ADCY2: variants seen among roughly 807,000 people sequenced by gnomAD.
The protein encoded by ADCY2 is adenylate cyclase 2, also known as adenylate cyclase type 2.
A neutral mutation model predicts 125.2 loss-of-function variants in ADCY2; 31 were observed. The observed-to-expected ratio is 0.25, with a 90% confidence interval of 0.19 to 0.33. The LOEUF (loss-of-function observed/expected upper bound fraction) is 0.33. ADCY2 is among the 10% of genes least tolerant of loss of function. ADCY2 has a pLI of 1.00. For synonymous variants in ADCY2, 512 were observed against 548.4 expected (o/e 0.93, Z 0.93); for missense variants, 904 against 1,418.2 (o/e 0.64, Z 5.82).
At chr5:7,587,808 A>G (rs1235568290) in intron 3 of ADCY2, among the ~76,000 whole-genome samples, 2 of 152,224 alleles carry the variant, frequency 1.3e-5, no homozygotes, top group African/African-American at 4.8e-5. Context: ...ACAGGGTCGT[A>G]GAAGAGGATA....
At chr5:7,589,458 A>AAAAGAAAG (rs369587426) in intron 3 of ADCY2, among the ~76,000 whole-genome samples, 3,828 of 72,916 alleles carry the variant, frequency 0.052, 196 homozygotes, top group African/African-American at 0.071. Flanking sequence ...GAAGGAAAGA[A>AAAAGAAAG]AAAGAAAGAA....
At chr5:7,732,812 G>A (rs1268443660) in intron 14 of ADCY2, among the ~76,000 whole-genome samples, 2 of 152,170 alleles carry the variant, frequency 1.3e-5, no homozygotes, top group Admixed American at 1.3e-4. Flanking sequence ...ACCACTAAAG[G>A]GAGGTGTTTT....
intron 3 of ADCY2, among the ~76,000 whole-genome samples, chr5:7,613,558 C>A (rs564583926): frequency 6.6e-6 from 1 of 152,342 alleles, no homozygotes; most frequent in South Asian, 2.1e-4. Context: ...CCATGACCTC[C>A]CCTGGCACAT....
intron 3 of ADCY2, among the ~76,000 whole-genome samples, chr5:7,597,274 T>C (rs2126631441): frequency 6.6e-6 from 1 of 152,296 alleles, no homozygotes; most frequent in Admixed American, 6.5e-5. Context: ...AAAGCAAACG[T>C]TCTAGCCAGT....
chr5:7,456,882 T>C (rs116641366), intron 2 of ADCY2, among the ~76,000 whole-genome samples: 4,287 of 152,288 alleles, frequency 0.028, 176 homozygotes, highest in African/African-American at 0.098. Flanking sequence ...TTTATAAGAA[T>C]AGGATTTTGT....
At chr5:7,622,534 G>A (rs752180756) in intron 3 of ADCY2, among the ~76,000 whole-genome samples, 3 of 152,208 alleles carry the variant, frequency 2.0e-5, no homozygotes, top group Non-Finnish European at 4.4e-5. Context: ...TCTACAGACA[G>A]GAGGGGTTCA....
intron 3 of ADCY2, among the ~76,000 whole-genome samples, chr5:7,533,939 T>C (rs1734733860): frequency 6.6e-6 from 1 of 152,214 alleles, no homozygotes; most frequent in Non-Finnish European, 1.5e-5. Flanking sequence ...TCATCAGTCC[T>C]AGTGGTTCCC....
intron 3 of ADCY2, among the ~76,000 whole-genome samples, chr5:7,590,109 C>G (rs1298959837): frequency 1.3e-5 from 2 of 152,072 alleles, no homozygotes; most frequent in Non-Finnish European, 2.9e-5. Context: ...TCAAAGCCGA[C>G]AGGAGCTATT....
intron 3 of ADCY2, among the ~76,000 whole-genome samples, chr5:7,581,881 T>G (rs1297667693): frequency 6.7e-6 from 1 of 150,060 alleles, no homozygotes; most frequent in Non-Finnish European, 1.5e-5. Context: ...GTAAAACATG[T>G]AGGATGAACA....
intron 2 of ADCY2, among the ~76,000 whole-genome samples, chr5:7,416,237 G>A (rs7710092): frequency 0.011 from 1,677 of 152,282 alleles, 30 homozygotes; most frequent in African/African-American, 0.038. Context: ...TTGGGCAAAG[G>A]GAGGAGGCTG....
rs1432870253 is a variant in ADCY2 at position 7,520,625 on chromosome 5, TAA to T, written c.409-110_409-109del. 2.5e-6 allele frequency: 3 copies of T among 1,177,950 alleles called. No homozygotes were observed. In the African/African-American group the frequency reaches 4.5e-5, roughly 18 times the overall value. 73.0% of individuals were successfully genotyped at this position (1,177,950 alleles called of 1,614,324 possible). On this transcript the variant is annotated intron_variant, in intron 2 of 24. Coordinates refer to ENST00000338316, the MANE Select transcript of ADCY2 (RefSeq NM_020546.3). ...CCCTATTTTGTCTATAGATTATTTC[TAA>T]AATGAGCATGTCTCATGCTGTTCTA...
At chr5:7,740,652 C>G (rs1456861529) in intron 14 of ADCY2, among the ~76,000 whole-genome samples, 1 of 151,928 alleles carries the variant, frequency 6.6e-6, no homozygotes, top group Non-Finnish European at 1.5e-5. Context: ...TTAGAAATAA[C>G]AAGAACCAAC....
At chr5:7,707,882 G>T in intron 9 of ADCY2, 44 bp downstream of exon 9, 2 of 1,576,860 alleles carry the variant, frequency 1.3e-6, no homozygotes, top group Non-Finnish European at 1.7e-6. Context: ...GGGAGGAGGA[G>T]CAAATTATTG....
intron 15 of ADCY2, among the ~76,000 whole-genome samples, chr5:7,751,211 T>C (rs1195405427): frequency 6.6e-6 from 1 of 152,222 alleles, no homozygotes; most frequent in Non-Finnish European, 1.5e-5. Context: ...TTATTTTTCC[T>C]TAACAACTCA....
At chr5:7,576,086 C>T (rs541160384) in intron 3 of ADCY2, among the ~76,000 whole-genome samples, 10 of 152,302 alleles carry the variant, frequency 6.6e-5, no homozygotes, top group African/African-American at 2.4e-4. Context: ...GACTTCTCTA[C>T]CAGAAATCTG....
At chr5:7,482,695 C>T (rs1350160744) in intron 2 of ADCY2, among the ~76,000 whole-genome samples, 1 of 150,710 alleles carries the variant, frequency 6.6e-6, no homozygotes, top group Non-Finnish European at 1.5e-5. Flanking sequence ...TTTATTGTAG[C>T]ACTATTCCTA....
intron 17 of ADCY2, among the ~76,000 whole-genome samples, chr5:7,769,374 A>G (rs1363371154): frequency 6.6e-6 from 1 of 152,216 alleles, no homozygotes; most frequent in African/African-American, 2.4e-5. Flanking sequence ...ATATAAATGC[A>G]TATGCATAAT....
intron 2 of ADCY2, among the ~76,000 whole-genome samples, chr5:7,431,802 G>T (rs1411332469): frequency 6.6e-6 from 1 of 152,146 alleles, no homozygotes; most frequent in African/African-American, 2.4e-5. Context: ...ACAGATGGTT[G>T]GCAAATACAT....
At chr5:7,716,003 G>T (rs1317068108) in intron 11 of ADCY2, among the ~76,000 whole-genome samples, 2 of 152,180 alleles carry the variant, frequency 1.3e-5, no homozygotes, top group African/African-American at 4.8e-5. Flanking sequence ...AGCAGGCCGT[G>T]CTTTTAATCT....
Sources: gnomAD v4.1 joint callset for allele counts (sites outside exome capture counted in the v4.1 genomes callset) on GRCh38, gnomAD v4.1.1 for gene constraint, MANE v1.5 for transcripts, NCBI Gene and HGNC (gene_info 2026-07-23, HGNC 2026-07-21) for gene names.